SLC45A3: variants seen among roughly 807,000 people sequenced by gnomAD.
SLC45A3 encodes prostate cancer associated protein 2.
A neutral mutation model predicts 35.3 loss-of-function variants in SLC45A3; 17 were observed. The ratio of observed to expected loss-of-function variants is 0.48; its 90% CI spans 0.33 to 0.72. The LOEUF (loss-of-function observed/expected upper bound fraction) is 0.72, where lower values mean the gene tolerates loss of function less well. Among genes scored for constraint, SLC45A3 ranks in the 30% least tolerant of loss-of-function variants. The pLI is 0.02. For synonymous variants in SLC45A3, 288 were observed against 334.3 expected (o/e 0.86, Z 1.51); for missense variants, 597 against 731.7 (o/e 0.82, Z 2.12).
chr1:205,671,931 T>C (rs1571541447), intron 1 of SLC45A3, among the ~76,000 whole-genome samples: 1 of 152,044 alleles, frequency 6.6e-6, no homozygotes, highest in Non-Finnish European at 1.5e-5. Flanking sequence ...GCAGCCAACA[T>C]TGAGGTTATA....
intron 1 of SLC45A3, among the ~76,000 whole-genome samples, chr1:205,674,918 G>T (rs1190111396): frequency 3.3e-5 from 5 of 152,104 alleles, no homozygotes; most frequent in African/African-American, 1.2e-4. Flanking sequence ...GTTTCACTGT[G>T]TTGGCCAGGC....
In SLC45A3 at chr1:205,659,669, C is replaced by T. The variant is rs1670984661; in HGVS notation, c.1227G>A (p.Val409=). 1 of 1,523,160 alleles carries T rather than the reference C, an allele frequency of 6.6e-7. No individual in the cohort carries two copies. Among genetic ancestry groups the T allele is most frequent in the Non-Finnish European group, 8.8e-7 (1 of 1,137,340 alleles). 94.4% of individuals were successfully genotyped at this position (1,523,160 alleles called of 1,614,324 possible). A position where few individuals can be genotyped will look rare whatever the true frequency, so the allele number is the denominator to read the frequency against. ...TGTCCCCTCGGTATTTGGGCAGGAA[C>T]ACCTAAGGCAGAGGGGTGAAGAAAA... The part of the protein sequence containing the change: ...LASLYHREKQ[V]FLPKYRGDTG... The change falls in exon 5 of 5, where the codon GTG becomes GTA. Residue 409 remains valine (V), a splice_region_variant and synonymous_variant. Transcript: ENST00000367145. This position sits in a 1 kb window ranked among gnomAD's most constrained non-coding sequence, Gnocchi z 5.8.
At position 205,679,685 on chromosome 1, in the gene SLC45A3, A is replaced by AACACACACACACACAC. The variant is rs55762304; in HGVS notation, c.-231+693_-231+708dup. On this transcript the variant is annotated intron_variant, in intron 1 of 4. Transcript: ENST00000367145. ...ACTGAGGCTGAAAAGGGGACACAGTAACACACACACACACACACACACACA... is the reference window on the plus strand; with the variant it reads ...ACTGAGGCTGAAAAGGGGACACAGTAACACACACACACACACACACACACACACACACACACACACA... Among the ~76,000 whole-genome samples, 548 of 138,840 alleles carry AACACACACACACACAC rather than the reference A, an allele frequency of 3.9e-3. 3 individuals carry two copies. The highest frequency in any genetic ancestry group is 0.013 in the East Asian group (55 of 4,234). The allele number at this position is 138,840 out of a possible 152,430, so 91.1% of individuals were successfully genotyped here. A position where few individuals can be genotyped will look rare whatever the true frequency, so the allele number is the denominator to read the frequency against.
Position 205,661,881 on chromosome 1 carries a change from G to A in SLC45A3, c.1204C>T (p.Leu402Phe). The change falls in exon 4 of 5, where the codon CTC becomes TTC. Residue 402 changes from leucine (L) to phenylalanine (F), a missense_variant. Transcript: ENST00000367145. The stretch of plus-strand genomic sequence containing the variant: ...AGTACCTGCTTCTCCCGGTGGTAGA[G>A]GGAGGCCAGTGTGTAGGGCAGGATC... ...LQILPYTLAS[L>F]YHREKQVFLP... The A allele has an allele frequency of 6.2e-6, 10 of 1,613,740 alleles. No individual in the cohort carries two copies. Among genetic ancestry groups the A allele is most frequent in the Non-Finnish European group, 8.5e-6 (10 of 1,179,740 alleles).
At chr1:205,663,730 G>T in intron 2 of SLC45A3, 112 bp from the exon 3 acceptor site, 3 of 1,090,452 alleles carry the variant, frequency 2.8e-6, no homozygotes, top group Non-Finnish European at 3.8e-6. Context: ...TCGACACTGT[G>T]CTACGTCTTC....
At chr1:205,679,681 C>A (rs1282364060) in intron 1 of SLC45A3, among the ~76,000 whole-genome samples, 3 of 130,934 alleles carry the variant, frequency 2.3e-5, no homozygotes, top group African/African-American at 8.6e-5. Flanking sequence ...AAAGGGGACA[C>A]AGTAACACAC....
chr1:205,669,525 C>G lies in SLC45A3; in HGVS notation c.-230-4639G>C, dbSNP rs140222727. Reference sequence around the variant, plus strand: ...TTCCCTCTACTGACAGACAGAGGCCCGTGGAAGCCCAGGCTGGGGGCAGCC... The same window carrying G: ...TTCCCTCTACTGACAGACAGAGGCCGGTGGAAGCCCAGGCTGGGGGCAGCC... On this transcript the variant is annotated intron_variant, in intron 1 of 4. Transcript: ENST00000367145. This position sits in a 1 kb window ranked among gnomAD's most constrained non-coding sequence, Gnocchi z 4.1. Among the ~76,000 whole-genome samples, 4 of 152,068 alleles carry G rather than the reference C, an allele frequency of 2.6e-5. No individual in the cohort carries two copies. The highest frequency in any genetic ancestry group is 9.7e-5 in the African/African-American group (4 of 41,408).
At position 205,658,023 on chromosome 1, in the gene SLC45A3, G is replaced by T; in HGVS notation, c.*1211C>A. On this transcript the variant is annotated 3_prime_UTR_variant, in exon 5 of 5. Transcript: ENST00000367145. ...CTTAGCTCAGGCAGGGGGTGCTCCT[G>T]AGTTTCTGTGTGAGATTCCCCAAGC... The T allele has an allele frequency of 4.4e-6, 1 of 227,914 alleles. No homozygotes were observed. Among genetic ancestry groups the T allele is most frequent in the Non-Finnish European group, 8.7e-6 (1 of 114,402 alleles). The allele number at this position is 227,914 out of a possible 1,614,324, so 14.1% of individuals were successfully genotyped here. A position where few individuals can be genotyped will look rare whatever the true frequency, so the allele number is the denominator to read the frequency against.
intron 4 of SLC45A3, among the ~76,000 whole-genome samples, chr1:205,660,600 C>T (rs1671002339): frequency 6.6e-6 from 1 of 152,136 alleles, no homozygotes; most frequent in African/African-American, 2.4e-5. Context: ...CTGCCATCAG[C>T]TGCTGTTAGG....
chr1:205,658,486 G>T lies in SLC45A3; in HGVS notation c.*748C>A. 4.3e-6 allele frequency: 1 copy of T among 233,124 alleles called. No individual in the cohort carries two copies. Among genetic ancestry groups the T allele is most frequent in the Non-Finnish European group, 8.5e-6 (1 of 117,958 alleles). 14.4% of individuals were successfully genotyped at this position (233,124 alleles called of 1,614,324 possible). A position where few individuals can be genotyped will look rare whatever the true frequency, so the allele number is the denominator to read the frequency against. ...GCTATCTCAGGGGACCTGATTGTTG[G>T]GGATCCCCCACCCTACCCAAATATT... On this transcript the variant is annotated 3_prime_UTR_variant, in exon 5 of 5. Coordinates refer to ENST00000367145, the MANE Select transcript of SLC45A3 (RefSeq NM_033102.3).
intron 4 of SLC45A3, among the ~76,000 whole-genome samples, chr1:205,660,088 G>C (rs939189840): frequency 6.6e-6 from 1 of 152,048 alleles, no homozygotes; most frequent in Non-Finnish European, 1.5e-5. Context: ...CCCCACGCAG[G>C]CTCTCCTAAC....
rs777513989 is a variant in SLC45A3, at chr1:205,663,028, C to G, written c.763G>C (p.Ala255Pro). ...AGCTGGTGCAGCCGGGGAAGCAGGG[C>G]GCCCAGGTTCCGGAAAGCCAAGCGG... is the stretch of plus-strand genomic sequence containing the variant. The part of the protein sequence containing the change: ...RARLAFRNLG[A>P]LLPRLHQLCC... Residue 255 changes from alanine to proline, a missense_variant, in exon 3 of 5, where the codon GCC becomes CCC. This residue lies in a region of SLC45A3 where 555 missense variants were observed against 664.9 expected (regional missense o/e 0.83). Coordinates refer to ENST00000367145, the MANE Select transcript of SLC45A3 (RefSeq NM_033102.3). 6.2e-7 allele frequency: 1 copy of G among 1,609,902 alleles called. No individual in the cohort carries two copies. Among genetic ancestry groups the G allele is most frequent in the Non-Finnish European group, 8.5e-7 (1 of 1,177,812 alleles).
rs1293762690 is a variant in SLC45A3, at chr1:205,669,449, C to G, written c.-230-4563G>C. ...GTATAAAGAGGTCTTTGAGGGCTTT[C>G]AAAGGGGCTTCTGCCACCCCGCATG... On this transcript the variant is annotated intron_variant, in intron 1 of 4. Coordinates refer to ENST00000367145, the MANE Select transcript of SLC45A3 (RefSeq NM_033102.3). This position sits in a 1 kb window ranked among gnomAD's most constrained non-coding sequence, Gnocchi z 4.1. Among the ~76,000 whole-genome samples, 1 of 152,154 alleles carries G rather than the reference C, an allele frequency of 6.6e-6. No homozygotes were observed. The highest frequency in any genetic ancestry group is 1.9e-4 in the East Asian group (1 of 5,174).
In SLC45A3 at chr1:205,659,815, A is replaced by C; in HGVS notation, c.1225-144T>G. ...ATCAGGAGCAGGAGAGAAGATGGAG[A>C]CCCTACTTGGTCCAAGTCTAACCAG... On this transcript the variant is annotated intron_variant, in intron 4 of 4. Transcript: ENST00000367145. The surrounding 1 kb of genome is among the most constrained non-coding windows in gnomAD (Gnocchi z 5.8). 1.3e-6 allele frequency: 1 copy of C among 781,558 alleles called. No homozygotes were observed. The highest frequency in any genetic ancestry group is 1.9e-6 in the Non-Finnish European group (1 of 521,042). 48.4% of individuals were successfully genotyped at this position (781,558 alleles called of 1,614,324 possible).
chr1:205,673,788 T>C (rs971080695), intron 1 of SLC45A3, among the ~76,000 whole-genome samples: 3 of 152,204 alleles, frequency 2.0e-5, no homozygotes, highest in Non-Finnish European at 4.4e-5. Context: ...CTCTCAGTGG[T>C]GAGCAAGGAA....
At position 205,663,456 on chromosome 1, in the gene SLC45A3, A is replaced by G; in HGVS notation, c.335T>C (p.Leu112Pro). The change falls in exon 3 of 5, where the codon CTG becomes CCG. Residue 112 changes from leucine to proline, a missense_variant. Physicochemically the swap from Leu to Pro is moderately conservative, Grantham distance 98. Coordinates refer to ENST00000367145, the MANE Select transcript of SLC45A3 (RefSeq NM_033102.3). ...LIPRAGWLAG[L>P]LCPDPRPLEL... ...CAGGGGCCTGGGATCCGGGCACAGC[A>G]GCCCTGCTAGCCAGCCGGCCCTTGG... 6.2e-7 allele frequency: 1 copy of G among 1,612,826 alleles called. No individual in the cohort carries two copies. Among genetic ancestry groups the G allele is most frequent in the Non-Finnish European group, 8.5e-7 (1 of 1,179,820 alleles).
chr1:205,659,151 C>T lies in SLC45A3; in HGVS notation c.*83G>A. 3 of 1,428,422 alleles carry T rather than the reference C, an allele frequency of 2.1e-6. No individual in the cohort carries two copies. The highest frequency in any genetic ancestry group is 2.3e-5 in the East Asian group (1 of 43,704). The allele number at this position is 1,428,422 out of a possible 1,614,324, so 88.5% of individuals were successfully genotyped here. A position where few individuals can be genotyped will look rare whatever the true frequency, so the allele number is the denominator to read the frequency against. On this transcript the variant is annotated 3_prime_UTR_variant, in exon 5 of 5. Coordinates refer to ENST00000367145, the MANE Select transcript of SLC45A3 (RefSeq NM_033102.3). The surrounding 1 kb of genome is among the most constrained non-coding windows in gnomAD (Gnocchi z 5.8). ...GGCAGCAACAGAAACTGGCGGCCAG[C>T]CCGGCAGCCCCATGGGGCTAACAGG...
In SLC45A3 at chr1:205,663,044, A is replaced by G. The variant is rs1389894386; in HGVS notation, c.747T>C (p.Ala249=). The G allele has an allele frequency of 3.1e-6, 5 of 1,609,050 alleles. No individual in the cohort carries two copies. The Admixed American group carries it at 5.0e-5, about 16-fold the overall frequency. ...PHCCPCRARL[A]FRNLGALLPR... ...GAAGCAGGGCGCCCAGGTTCCGGAA[A>G]GCCAAGCGGGCCCGGCATGGACAGC... The change falls in exon 3 of 5, where the codon GCT becomes GCC. Residue 249 remains alanine, a synonymous_variant. Coordinates refer to ENST00000367145, the MANE Select transcript of SLC45A3 (RefSeq NM_033102.3).
chr1:205,677,177 G>T (rs940674024), intron 1 of SLC45A3, among the ~76,000 whole-genome samples: 28 of 152,188 alleles, frequency 1.8e-4, no homozygotes, highest in Non-Finnish European at 2.9e-5. Context: ...GGGAAGGTAG[G>T]CTGGGCAGGG....
Sources: gnomAD v4.1 joint callset for allele counts (sites outside exome capture counted in the v4.1 genomes callset) on GRCh38, gnomAD v4.1.1 for gene constraint, gnomAD v4.1.1 regional missense constraint, Gnocchi (gnomAD v3.1) non-coding constraint, MANE v1.5 for transcripts, NCBI Gene and HGNC (gene_info 2026-07-23, HGNC 2026-07-21) for gene names.